Variants in IRAK3 observed in about 807,000 individuals in gnomAD.
IRAK3 encodes the protein interleukin 1 receptor associated kinase 3, also known as interleukin-1 receptor-associated kinase 3.
In IRAK3, 57 loss-of-function variants were observed where a neutral mutation model predicts 56.6. The observed-to-expected ratio is 1.01, with a 90% CI of 0.81 to 1.26. The LOEUF is 1.26. IRAK3 is among the 50% of genes most tolerant of loss of function. The pLI, the probability that IRAK3 is intolerant of heterozygous loss-of-function variation, is 0.00. For synonymous variants in IRAK3, 258 were observed against 255.7 expected (o/e 1.01, Z -0.09); for missense variants, 703 against 719.0 (o/e 0.98, Z 0.25).
At chr12:66,191,594 A>G (rs2052400127) in intron 1 of IRAK3, among the ~76,000 whole-genome samples, 1 of 152,190 alleles carries the variant, frequency 6.6e-6, no homozygotes, top group South Asian at 2.1e-4. Flanking sequence ...TGGACTACTG[A>G]GCTGGCCCTG....
At chr12:66,236,764 G>A (rs540461847) in intron 8 of IRAK3, among the ~76,000 whole-genome samples, 1 of 152,050 alleles carries the variant, frequency 6.6e-6, no homozygotes, top group Non-Finnish European at 1.5e-5. Flanking sequence ...CTGTACTCAC[G>A]AGTCTAGGAC....
rs1404674669 is a variant in IRAK3, at chr12:66,253,931, GA to G, written c.*5765del. ...TTCAAGTCCAGGAAATATCTGCCTT[GA>G]AAAAGAATAACTTAAAAATTAAAAG... On this transcript the variant is annotated 3_prime_UTR_variant, in exon 12 of 12. Transcript: ENST00000261233. The G allele has an allele frequency of 1.3e-5, 2 of 152,112 alleles. No homozygotes were observed. Among genetic ancestry groups the G allele is most frequent in the Non-Finnish European group, 2.9e-5 (2 of 68,012 alleles). The allele number at this position is 152,112 out of a possible 1,614,324, so 9.4% of individuals were successfully genotyped here. A position where few individuals can be genotyped will look rare whatever the true frequency, so the allele number is the denominator to read the frequency against.
At chr12:66,191,576 T>C (rs1023183169) in intron 1 of IRAK3, among the ~76,000 whole-genome samples, 4 of 152,228 alleles carry the variant, frequency 2.6e-5, no homozygotes, top group East Asian at 3.8e-4. Context: ...TCATGCCTAC[T>C]GACTGCCTGG....
intron 6 of IRAK3, among the ~76,000 whole-genome samples, chr12:66,218,194 A>G (rs1293150734): frequency 6.6e-6 from 1 of 152,134 alleles, no homozygotes. Context: ...GTGTAGGCAA[A>G]TATGTATTTT....
chr12:66,254,267 T>C lies in IRAK3; in HGVS notation c.*6096T>C, dbSNP rs901928591. ...TCATGATGTTTATGATATTAAAACATTGGAAACAACTGAAACATCCTTCAG... is the reference window on the plus strand; with the variant it reads ...TCATGATGTTTATGATATTAAAACACTGGAAACAACTGAAACATCCTTCAG... On this transcript the variant is annotated 3_prime_UTR_variant, in exon 12 of 12. Transcript: ENST00000261233. The C allele has an allele frequency of 3.3e-5, 5 of 152,166 alleles. No individual in the cohort carries two copies. Among genetic ancestry groups the C allele is most frequent in the Non-Finnish European group, 7.4e-5 (5 of 67,996 alleles). 9.4% of individuals were successfully genotyped at this position (152,166 alleles called of 1,614,324 possible).
chr12:66,210,295 A>C (rs527415238), intron 4 of IRAK3, 94 bp downstream of exon 4: 4 of 718,496 alleles, frequency 5.6e-6, no homozygotes, highest in African/African-American at 5.4e-5. Context: ...AAACACAATA[A>C]TCATTTATAT....
At chr12:66,214,164 C>T (rs1431178644) in intron 5 of IRAK3, among the ~76,000 whole-genome samples, 5 of 152,008 alleles carry the variant, frequency 3.3e-5, no homozygotes, top group Non-Finnish European at 7.4e-5. Context: ...TAAAATATGA[C>T]TTAGATTCTA....
At chr12:66,209,351 A>C in intron 2 of IRAK3, 105 bp from the exon 3 acceptor site, 1 of 730,270 alleles carries the variant, frequency 1.4e-6, no homozygotes. Flanking sequence ...GAAACTTTAG[A>C]AATGAACAAT....
chr12:66,240,464 G>A (rs2052955370), intron 8 of IRAK3, among the ~76,000 whole-genome samples: 1 of 152,172 alleles, frequency 6.6e-6, no homozygotes, highest in Admixed American at 6.5e-5. Context: ...TTTCAGATTT[G>A]TAGCATTCCA....
chr12:66,231,114 A>G (rs906199110), intron 8 of IRAK3, among the ~76,000 whole-genome samples: 4 of 152,212 alleles, frequency 2.6e-5, no homozygotes, highest in African/African-American at 7.2e-5. Flanking sequence ...GTGGTGGCCA[A>G]TCAGTCTTTT....
At chr12:66,195,083 C>T (rs944319261) in intron 1 of IRAK3, among the ~76,000 whole-genome samples, 2 of 152,220 alleles carry the variant, frequency 1.3e-5, no homozygotes, top group Non-Finnish European at 2.9e-5. Flanking sequence ...GCTCCCCCAG[C>T]CCTCCCAAAG....
intron 6 of IRAK3, among the ~76,000 whole-genome samples, chr12:66,222,911 G>C (rs1356669975): frequency 6.6e-6 from 1 of 152,112 alleles, no homozygotes; most frequent in Non-Finnish European, 1.5e-5. Flanking sequence ...AATCACCTGG[G>C]TGCAGGCGGG....
At chr12:66,246,472 A>G (rs2053034242) in intron 11 of IRAK3, among the ~76,000 whole-genome samples, 1 of 152,242 alleles carries the variant, frequency 6.6e-6, no homozygotes, top group Non-Finnish European at 1.5e-5. Context: ...GAATATAAAC[A>G]GCACTGGCCT....
intron 8 of IRAK3, among the ~76,000 whole-genome samples, chr12:66,233,715 G>A (rs1371176954): frequency 1.3e-5 from 2 of 150,208 alleles, no homozygotes; most frequent in Admixed American, 1.3e-4. Flanking sequence ...ATCCGGTCAT[G>A]CACTTGGATA....
At chr12:66,215,788 A>AAGTGCACGTGCGCG (rs1555203513) in intron 5 of IRAK3, among the ~76,000 whole-genome samples, 2 of 131,612 alleles carry the variant, frequency 1.5e-5, no homozygotes, top group African/African-American at 5.6e-5. Context: ...CCCAACATGC[A>AAGTGCACGTGCGCG]CACACACACA....
At chr12:66,228,197 A>G (rs900831105) in intron 7 of IRAK3, 55 bp from the exon 8 acceptor site, 11 of 1,168,174 alleles carry the variant, frequency 9.4e-6, no homozygotes, top group African/African-American at 1.5e-5. Context: ...TAATGAATAC[A>G]TAGGTAGTTT....
chr12:66,234,373 C>A, intron 8 of IRAK3: 6 of 1,611,992 alleles, frequency 3.7e-6, no homozygotes, highest in Non-Finnish European at 5.1e-6. Flanking sequence ...GTTGAGGTTG[C>A]GTCCAAGAAG....
At chr12:66,196,135 T>C (rs1018086316) in intron 1 of IRAK3, among the ~76,000 whole-genome samples, 6 of 152,170 alleles carry the variant, frequency 3.9e-5, no homozygotes, top group Admixed American at 2.6e-4. Flanking sequence ...TTGTTTATTC[T>C]TCATCTAGAA....
intron 1 of IRAK3, among the ~76,000 whole-genome samples, chr12:66,196,492 A>C (rs1455414353): frequency 6.6e-6 from 1 of 152,134 alleles, no homozygotes; most frequent in Non-Finnish European, 1.5e-5. Flanking sequence ...TTCTGACTGA[A>C]ACCTTGGTGT....
Sources: gnomAD v4.1 joint callset for allele counts (sites outside exome capture counted in the v4.1 genomes callset) on GRCh38, gnomAD v4.1.1 for gene constraint, MANE v1.5 for transcripts, NCBI Gene and HGNC (gene_info 2026-07-23, HGNC 2026-07-21) for gene names.